PPP2R5A: variants seen among roughly 807,000 people sequenced by gnomAD.
PPP2R5A encodes the protein protein phosphatase 2 regulatory subunit B'alpha, also known as serine/threonine-protein phosphatase 2A 56 kDa regulatory subunit alpha isoform.
PPP2R5A carries 25 observed loss-of-function variants against 64.2 expected under a neutral mutation model. The ratio of observed to expected loss-of-function variants is 0.39; its 90% CI spans 0.28 to 0.54. PPP2R5A has a LOEUF of 0.54. Among genes scored for constraint, PPP2R5A ranks in the 20% least tolerant of loss-of-function variants. The pLI, the probability that PPP2R5A is intolerant of heterozygous loss-of-function variation, is 0.67. For missense variants in PPP2R5A, 425 were observed against 576.3 expected (o/e 0.74, Z 2.69); for synonymous variants, 198 against 201.2 (o/e 0.98, Z 0.13).
At chr1:212,351,047 G>A (rs964248968) in intron 8 of PPP2R5A, among the ~76,000 whole-genome samples, 9 of 150,718 alleles carry the variant, frequency 6.0e-5, no homozygotes, top group African/African-American at 2.2e-4. Context: ...GGGAGGCCGA[G>A]GCACAAGAAT....
chr1:212,297,802 G>A lies in PPP2R5A; in HGVS notation c.181+11511G>A. 2 of 60,014 alleles carry A rather than the reference G, an allele frequency of 3.3e-5. 1 individual carries two copies. Among genetic ancestry groups the A allele is most frequent in the Admixed American group, 2.9e-4 (2 of 6,970 alleles). The allele number at this position is 60,014 out of a possible 1,614,324, so 3.7% of individuals were successfully genotyped here. A position where few individuals can be genotyped will look rare whatever the true frequency, so the allele number is the denominator to read the frequency against. Reference sequence around the variant, plus strand: ...AATGAGTACTGAGAAACAAGATGAAGTGAATTGTTTTTTTTTTTTTTTCTT... The same window carrying A: ...AATGAGTACTGAGAAACAAGATGAAATGAATTGTTTTTTTTTTTTTTTCTT... On this transcript the variant is annotated intron_variant, in intron 1 of 12. Transcript: ENST00000261461.
Position 212,356,728 on chromosome 1 carries a change from A to G in PPP2R5A, c.978+52A>G, listed in dbSNP as rs760949738. The G allele has an allele frequency of 3.8e-6, 6 of 1,569,060 alleles. No homozygotes were observed. The African/African-American group carries it at 6.8e-5, about 18-fold the overall frequency. ...CATTTTACTAGAACTTGTCAATCCC[A>G]GGGCTATAAACCATGCTTCTTTGGG... On this transcript the variant is annotated intron_variant, in intron 9 of 12. Transcript: ENST00000261461.
intron 1 of PPP2R5A, among the ~76,000 whole-genome samples, chr1:212,293,698 T>C (rs1345309325): frequency 6.6e-6 from 1 of 152,164 alleles, no homozygotes; most frequent in Non-Finnish European, 1.5e-5. Context: ...ACTGGAATTT[T>C]TTTTTTTTTG....
chr1:212,355,977 T>C (rs1310138907), intron 8 of PPP2R5A, among the ~76,000 whole-genome samples: 1 of 151,708 alleles, frequency 6.6e-6, no homozygotes, highest in East Asian at 1.9e-4. Flanking sequence ...AGGCAGAGAA[T>C]TGCTTGAACT....
At chr1:212,299,886 C>T (rs953980240) in intron 1 of PPP2R5A, among the ~76,000 whole-genome samples, 3 of 151,026 alleles carry the variant, frequency 2.0e-5, no homozygotes, top group Non-Finnish European at 4.4e-5. Context: ...GATCTCTGCT[C>T]ACTGCAACCT....
intron 2 of PPP2R5A, among the ~76,000 whole-genome samples, chr1:212,332,554 G>A (rs1228239678): frequency 6.6e-6 from 1 of 152,178 alleles, no homozygotes; most frequent in Non-Finnish European, 1.5e-5. Flanking sequence ...AGCACATCCT[G>A]ATTTCAGGGT....
chr1:212,318,218 A>T (rs1297913923), intron 1 of PPP2R5A, among the ~76,000 whole-genome samples: 1 of 152,206 alleles, frequency 6.6e-6, no homozygotes, highest in Admixed American at 6.5e-5. Flanking sequence ...AGTACAGTTT[A>T]AAATGTGCTT....
chr1:212,356,716 C>T (rs1016933599), intron 9 of PPP2R5A, 40 bp downstream of exon 9: 8 of 1,588,116 alleles, frequency 5.0e-6, no homozygotes, highest in Non-Finnish European at 6.0e-6. Flanking sequence ...TTTACTAGAA[C>T]TTGTCAATCC....
chr1:212,346,060 G>C (rs1195282916), intron 5 of PPP2R5A, 127 bp downstream of exon 5: 2 of 920,218 alleles, frequency 2.2e-6, no homozygotes, highest in East Asian at 6.2e-5. Context: ...GGAGTGCAGT[G>C]GTGAGAACAT....
chr1:212,349,683 A>G (rs1412303368), intron 8 of PPP2R5A, among the ~76,000 whole-genome samples: 1 of 152,216 alleles, frequency 6.6e-6, no homozygotes, highest in Non-Finnish European at 1.5e-5. Context: ...AGGGATAGAA[A>G]ACATTTCCTT....
chr1:212,304,643 T>A (rs1016343886), intron 1 of PPP2R5A, among the ~76,000 whole-genome samples: 9 of 151,666 alleles, frequency 5.9e-5, no homozygotes, highest in Non-Finnish European at 7.4e-5. Context: ...TGCTGTGGCC[T>A]CTTAACTCCT....
chr1:212,304,793 C>T (rs1391601444), intron 1 of PPP2R5A, among the ~76,000 whole-genome samples: 1 of 144,116 alleles, frequency 6.9e-6, no homozygotes, highest in Non-Finnish European at 1.5e-5. Flanking sequence ...AGTGCAGTGG[C>T]ATGATCTCGG....
chr1:212,308,710 TGTGTTGGTAC>T (rs1193307745), intron 1 of PPP2R5A, among the ~76,000 whole-genome samples: 1 of 152,110 alleles, frequency 6.6e-6, no homozygotes, highest in African/African-American at 2.4e-5. Flanking sequence ...CACCTGGCTG[TGTGTTGGTAC>T]ACTTAATGGT....
intron 1 of PPP2R5A, among the ~76,000 whole-genome samples, chr1:212,289,103 A>G (rs1228461606): frequency 2.0e-5 from 3 of 152,210 alleles, no homozygotes; most frequent in African/African-American, 7.2e-5. Flanking sequence ...AGTCTAACCT[A>G]TTTTGTTTAA....
chr1:212,292,489 C>T (rs1359874787), intron 1 of PPP2R5A, among the ~76,000 whole-genome samples: 1 of 152,016 alleles, frequency 6.6e-6, no homozygotes, highest in Non-Finnish European at 1.5e-5. Flanking sequence ...GTCTTATAGT[C>T]ACTCCTTCCC....
chr1:212,345,934 G>A lies in PPP2R5A; in HGVS notation c.704+1G>A. ...AACAAATTAACAACATTTTCCTCAGGTAAATTAATCATTTATTGTATATTG... is the reference window on the plus strand; with the variant it reads ...AACAAATTAACAACATTTTCCTCAGATAAATTAATCATTTATTGTATATTG... On this transcript the variant is annotated splice_donor_variant, in intron 5 of 12. Coordinates refer to ENST00000261461, the MANE Select transcript of PPP2R5A (RefSeq NM_006243.4). LOFTEE classifies it high-confidence loss of function. 1 of 1,586,692 alleles carries A rather than the reference G, an allele frequency of 6.3e-7. No homozygotes were observed. Among genetic ancestry groups the A allele is most frequent in the Non-Finnish European group, 8.6e-7 (1 of 1,166,538 alleles).
intron 8 of PPP2R5A, among the ~76,000 whole-genome samples, chr1:212,351,102 C>CACAAAAAAAAAA (rs1659869470): frequency 9.6e-6 from 1 of 103,740 alleles, no homozygotes; most frequent in African/African-American, 2.6e-5. Context: ...CGAGATGACA[C>CACAAAAAAAAAA]AAAAAAAAAA....
intron 8 of PPP2R5A, 45 bp from the exon 9 acceptor site, chr1:212,356,581 C>G: frequency 1.3e-6 from 2 of 1,571,134 alleles, no homozygotes; most frequent in Non-Finnish European, 1.7e-6. Flanking sequence ...CTGGGATTAA[C>G]TAGCTTTGTT....
chr1:212,297,096 CTTTTTTTTTTTTTTTTTTTTTTTTTTTT>C lies in PPP2R5A; in HGVS notation c.181+10820_181+10847del, dbSNP rs869112186. On this transcript the variant is annotated intron_variant, in intron 1 of 12. Coordinates refer to ENST00000261461, the MANE Select transcript of PPP2R5A (RefSeq NM_006243.4). Reference sequence around the variant, plus strand: ...TTTCTTTTCTTTTTCTTTGCTTCTTCTTTTTTTTTTTTTTTTTTTTTTTTTTTTTTTTTTTTTTTTTTGGAGACGGAGT... The same window carrying C: ...TTTCTTTTCTTTTTCTTTGCTTCTTCTTTTTTTTTTTTTTGGAGACGGAGT... Among the ~76,000 whole-genome samples, 8 of 82,668 alleles carry C rather than the reference CTTTTTTTTTTTTTTTTTTTTTTTTTTTT, an allele frequency of 9.7e-5. No homozygotes were observed. The South Asian group carries it at 2.5e-3, about 26-fold the overall frequency. The allele number at this position is 82,668 out of a possible 152,430, so 54.2% of individuals were successfully genotyped here. A position where few individuals can be genotyped will look rare whatever the true frequency, so the allele number is the denominator to read the frequency against.
Sources: allele counts gnomAD v4.1 joint callset (sites outside exome capture counted in the v4.1 genomes callset), GRCh38; gene constraint gnomAD v4.1.1; transcripts MANE v1.5; gene names NCBI Gene and HGNC (gene_info 2026-07-23, HGNC 2026-07-21).